The following ZNF385D variants were observed in gnomAD, a reference collection of about 807,000 sequenced individuals.
The protein encoded by ZNF385D is zinc finger protein 385D.
A neutral mutation model predicts 35.8 loss-of-function variants in ZNF385D; 15 were observed. The observed-to-expected ratio is 0.42, with a 90% confidence interval of 0.28 to 0.64. The LOEUF is 0.64. Ranked by LOEUF, ZNF385D falls within the 30% of genes least tolerant of loss-of-function variation. ZNF385D has a pLI of 0.23. For missense variants in ZNF385D, 474 were observed against 494.6 expected (o/e 0.96, Z 0.39); for synonymous variants, 212 against 186.8 (o/e 1.13, Z -1.10).
chr3:21,785,172 A>G (rs2071638684), intron 3 of ZNF385D, among the ~76,000 whole-genome samples: 1 of 152,146 alleles, frequency 6.6e-6, no homozygotes, highest in African/African-American at 2.4e-5. Flanking sequence ...CGTAACTATT[A>G]AGAGAGCAGC....
At chr3:21,851,382 A>G (rs114253999) in intron 3 of ZNF385D, among the ~76,000 whole-genome samples, 4 of 151,946 alleles carry the variant, frequency 2.6e-5, no homozygotes, top group African/African-American at 9.7e-5. Flanking sequence ...TTAAATATAC[A>G]CTCAATATAT....
chr3:22,285,212 T>C (rs1701964040), intron 2 of ZNF385D, among the ~76,000 whole-genome samples: 1 of 152,190 alleles, frequency 6.6e-6, no homozygotes, highest in South Asian at 2.1e-4. Flanking sequence ...TTACTCTGTA[T>C]GTGATTCTGA....
At chr3:21,544,963 G>C (rs1452207137) in intron 3 of ZNF385D, among the ~76,000 whole-genome samples, 3 of 152,172 alleles carry the variant, frequency 2.0e-5, no homozygotes, top group Admixed American at 6.5e-5. Context: ...CACGTATACA[G>C]GATTGCCAAA....
chr3:21,671,629 TTTGAACTAAA>T (rs2066579135), intron 1 of ZNF385D, among the ~76,000 whole-genome samples: 1 of 152,146 alleles, frequency 6.6e-6, no homozygotes, highest in East Asian at 1.9e-4. Flanking sequence ...ACAAATAGCT[TTTGAACTAAA>T]ACAACAATAT....
chr3:21,651,152 G>T (rs551308255), intron 2 of ZNF385D, among the ~76,000 whole-genome samples: 1 of 151,132 alleles, frequency 6.6e-6, no homozygotes, highest in Non-Finnish European at 1.5e-5. Flanking sequence ...GCTGGGTGTG[G>T]TGGCGGGCGC....
At chr3:21,996,018 C>A (rs1695443766) in intron 3 of ZNF385D, among the ~76,000 whole-genome samples, 1 of 152,074 alleles carries the variant, frequency 6.6e-6, no homozygotes, top group African/African-American at 2.4e-5. Flanking sequence ...TGGGTGGACA[C>A]AGGGGAATGT....
chr3:21,553,978 C>T (rs1284891142), intron 3 of ZNF385D, among the ~76,000 whole-genome samples: 2 of 152,152 alleles, frequency 1.3e-5, no homozygotes, highest in Non-Finnish European at 2.9e-5. Flanking sequence ...TTTTGAAACC[C>T]TCAAAGTCAT....
intron 3 of ZNF385D, among the ~76,000 whole-genome samples, chr3:22,123,441 G>A (rs988675327): frequency 6.6e-6 from 1 of 152,166 alleles, no homozygotes; most frequent in African/African-American, 2.4e-5. Context: ...AGCATAAAAT[G>A]TGTAATCACA....
intron 2 of ZNF385D, among the ~76,000 whole-genome samples, chr3:22,195,557 A>C (rs1229634373): frequency 6.6e-6 from 1 of 152,026 alleles, no homozygotes; most frequent in South Asian, 2.1e-4. Flanking sequence ...TTATAGTTTT[A>C]CATTTTGAAA....
At chr3:21,659,310 T>C (rs144544455) in intron 2 of ZNF385D, among the ~76,000 whole-genome samples, 330 of 152,292 alleles carry the variant, frequency 2.2e-3, no homozygotes, top group Non-Finnish European at 1.3e-3. Context: ...TACAGAATTA[T>C]TGAGTAGGAC....
intron 2 of ZNF385D, among the ~76,000 whole-genome samples, chr3:21,620,916 C>T (rs1298790569): frequency 6.6e-6 from 1 of 152,064 alleles, no homozygotes; most frequent in Non-Finnish European, 1.5e-5. Flanking sequence ...GTGAATTCAT[C>T]ACAAATTAAA....
At chr3:22,349,467 A>T (rs946921945) in intron 2 of ZNF385D, among the ~76,000 whole-genome samples, 2 of 152,180 alleles carry the variant, frequency 1.3e-5, no homozygotes, top group Non-Finnish European at 2.9e-5. Context: ...ATCTTCTTAA[A>T]TGTACACTGG....
At position 21,425,662 on chromosome 3, in the gene ZNF385D, G is replaced by GCC; in HGVS notation, c.681_682insGG (p.His228GlyfsTer6). On this transcript the variant is annotated frameshift_variant, in exon 6 of 8. Transcript: ENST00000281523. LOFTEE classifies it high-confidence loss of function. ...TTCCGGGCTTCTAACATGGTTTTGT[G>GCC]CTTAGTACCTGTCAGGAATATTGAA... 6.4e-7 allele frequency: 1 copy of GCC among 1,563,502 alleles called. No individual in the cohort carries two copies. The highest frequency in any genetic ancestry group is 8.7e-7 in the Non-Finnish European group (1 of 1,150,336).
At chr3:21,555,327 A>G (rs1372617004) in intron 3 of ZNF385D, among the ~76,000 whole-genome samples, 2 of 151,666 alleles carry the variant, frequency 1.3e-5, no homozygotes, top group Admixed American at 6.6e-5. Context: ...TCAACCTGTC[A>G]TCTACATTAG....
chr3:22,245,833 G>A (rs1483972997), intron 2 of ZNF385D, among the ~76,000 whole-genome samples: 5 of 152,120 alleles, frequency 3.3e-5, no homozygotes, highest in African/African-American at 1.2e-4. Context: ...GGGACAGATT[G>A]GAAAGAATTG....
chr3:21,938,353 C>A (rs1701360568), intron 3 of ZNF385D, among the ~76,000 whole-genome samples: 1 of 152,104 alleles, frequency 6.6e-6, no homozygotes, highest in African/African-American at 2.4e-5. Flanking sequence ...GTATCAGGTC[C>A]AAGCCTGAAT....
chr3:22,062,444 T>C (rs748151250), intron 3 of ZNF385D, among the ~76,000 whole-genome samples: 2 of 152,196 alleles, frequency 1.3e-5, no homozygotes, highest in Admixed American at 6.5e-5. Flanking sequence ...CAAGTCTAAG[T>C]TCATAACTAA....
intron 3 of ZNF385D, among the ~76,000 whole-genome samples, chr3:21,761,162 T>C (rs1162172365): frequency 1.3e-5 from 2 of 152,162 alleles, no homozygotes; most frequent in Non-Finnish European, 2.9e-5. Flanking sequence ...TGAGCTACCT[T>C]GGAAGGGGAT....
At chr3:22,303,216 G>C (rs181364383) in intron 2 of ZNF385D, among the ~76,000 whole-genome samples, 1 of 152,106 alleles carries the variant, frequency 6.6e-6, no homozygotes, top group African/African-American at 2.4e-5. Context: ...TACATGTATT[G>C]TGTGTTTTAG....
Sources: gnomAD v4.1 joint callset for allele counts (sites outside exome capture counted in the v4.1 genomes callset) on GRCh38, gnomAD v4.1.1 for gene constraint, MANE v1.5 for transcripts, NCBI Gene and HGNC (gene_info 2026-07-23, HGNC 2026-07-21) for gene names.